The following DUSP12 variants were observed in gnomAD, a reference collection of about 807,000 sequenced individuals.
The protein encoded by DUSP12 is dual specificity phosphatase 12.
DUSP12 carries 25 observed loss-of-function variants against 38.9 expected under a neutral mutation model. That is an observed-to-expected ratio of 0.64 (90% CI 0.47 to 0.90). The LOEUF is 0.90. DUSP12 is among the 40% of genes least tolerant of loss of function. DUSP12 has a pLI of 0.00. For synonymous variants in DUSP12, 153 were observed against 153.9 expected (o/e 0.99, Z 0.05); for missense variants, 403 against 427.0 (o/e 0.94, Z 0.50).
At chr1:161,754,242 G>A (rs1220148256) in intron 5 of DUSP12, among the ~76,000 whole-genome samples, 1 of 152,108 alleles carries the variant, frequency 6.6e-6, no homozygotes. Context: ...TTATATTCAC[G>A]TGTTGTGCAT....
intron 5 of DUSP12, among the ~76,000 whole-genome samples, chr1:161,755,612 T>C (rs899527202): frequency 3.3e-5 from 5 of 152,184 alleles, no homozygotes; most frequent in Admixed American, 2.6e-4. Flanking sequence ...TCTTTATATA[T>C]TTACCAGCCA....
rs1194072322 is a variant in DUSP12 at position 161,750,037 on chromosome 1, T to C, written c.236T>C (p.Phe79Ser). The C allele has an allele frequency of 2.5e-6, 4 of 1,613,992 alleles. No individual in the cohort carries two copies. The highest frequency in any genetic ancestry group is 3.4e-6 in the Non-Finnish European group (4 of 1,179,966). Residue 79 changes from phenylalanine (F) to serine (S), a missense_variant, in exon 1 of 6, where the codon TTC becomes TCC. Phe to Ser is a radical substitution (Grantham distance 155). Transcript: ENST00000367943. ...GGGGTCGAGGATCTATGGCGCCTCT[T>C]CGTGCCAGCGCTGGACAAACCCGAG... ...GPGVEDLWRL[F>S]VPALDKPETD...
intron 5 of DUSP12, among the ~76,000 whole-genome samples, 186 bp from the exon 6 acceptor site, chr1:161,756,600 C>A (rs1488269604): frequency 6.6e-6 from 1 of 150,448 alleles, no homozygotes; most frequent in African/African-American, 2.4e-5. Context: ...CAACATTCTT[C>A]CTATGAGATA....
At chr1:161,752,586 CTG>C (rs1684042454) in intron 4 of DUSP12, 122 bp downstream of exon 4, 1 of 648,354 alleles carries the variant, frequency 1.5e-6, no homozygotes, top group Admixed American at 2.7e-5. Flanking sequence ...TAGTTCAGAT[CTG>C]TTTTCAGAAA....
At position 161,752,962 on chromosome 1, in the gene DUSP12, C is replaced by G; in HGVS notation, c.675-113C>G. The G allele has an allele frequency of 2.7e-6, 3 of 1,119,266 alleles. No individual in the cohort carries two copies. In the South Asian group the frequency reaches 4.9e-5, roughly 18 times the overall value. 69.3% of individuals were successfully genotyped at this position (1,119,266 alleles called of 1,614,324 possible). On this transcript the variant is annotated intron_variant, in intron 4 of 5. Coordinates refer to ENST00000367943, the MANE Select transcript of DUSP12 (RefSeq NM_007240.3). ...CCATGATCACGCCACTGCACTCTAG[C>G]ATGGGCGACAGAGTGAGACTCTGTC...
chr1:161,752,353 A>T lies in DUSP12; in HGVS notation c.578-15A>T. On this transcript the variant is annotated splice_polypyrimidine_tract_variant and intron_variant, in intron 3 of 5. Coordinates refer to ENST00000367943, the MANE Select transcript of DUSP12 (RefSeq NM_007240.3). ...TGATTTTGACAAATAAATACATTTT[A>T]ATTATGTCATATAGAATTGCAGAAT... 6.5e-7 allele frequency: 1 copy of T among 1,547,496 alleles called. No individual in the cohort carries two copies.
chr1:161,755,547 A>T (rs1408492160), intron 5 of DUSP12, among the ~76,000 whole-genome samples: 1 of 152,220 alleles, frequency 6.6e-6, no homozygotes, highest in East Asian at 1.9e-4. Context: ...GGGGTAAAAA[A>T]TGTTAATCCT....
At chr1:161,755,627 C>T (rs1001502933) in intron 5 of DUSP12, among the ~76,000 whole-genome samples, 1 of 152,092 alleles carries the variant, frequency 6.6e-6, no homozygotes, top group Non-Finnish European at 1.5e-5. Context: ...CAGCCATTTA[C>T]TGTTTTCTTT....
rs752438311 is a variant in DUSP12 at position 161,751,925 on chromosome 1, A to G, written c.518A>G (p.Asp173Gly). The change falls in exon 3 of 6, where the codon GAT (aspartate) becomes GGT (glycine). Residue 173 changes from aspartate (D) to glycine (G), a missense_variant. Asp to Gly is a moderately conservative substitution (Grantham distance 94). Coordinates refer to ENST00000367943, the MANE Select transcript of DUSP12 (RefSeq NM_007240.3). ...TACCAGGCAATGGGATACGAAGTGG[A>G]TACCTCTAGTGCAATTTATAAGCAA... The part of the protein sequence containing the change: ...KLYQAMGYEV[D>G]TSSAIYKQYR... The G allele has an allele frequency of 3.1e-6, 5 of 1,613,394 alleles. No individual in the cohort carries two copies. The South Asian group carries it at 5.5e-5, about 18-fold the overall frequency.
chr1:161,750,157 G>A lies in DUSP12; in HGVS notation c.344+12G>A. The A allele has an allele frequency of 6.3e-7, 1 of 1,599,714 alleles. No individual in the cohort carries two copies. The highest frequency in any genetic ancestry group is 8.5e-7 in the Non-Finnish European group (1 of 1,175,138). The stretch of plus-strand genomic sequence containing the variant: ...GTGTTGGTGCACTGGTGAGTGGCCG[G>A]GTCAGTGGGTGACGTGCCCCGCCAA... On this transcript the variant is annotated intron_variant, in intron 1 of 5. Transcript: ENST00000367943.
chr1:161,753,598 G>A (rs61801236), intron 5 of DUSP12, among the ~76,000 whole-genome samples: 5,068 of 152,006 alleles, frequency 0.033, 116 homozygotes, highest in Non-Finnish European at 0.056. Context: ...ATTAGCTCAT[G>A]CCTGTAATCT....
chr1:161,753,355 C>A, intron 5 of DUSP12, 94 bp downstream of exon 5: 1 of 1,020,072 alleles, frequency 9.8e-7, no homozygotes, highest in South Asian at 2.3e-5. Context: ...GTGTTTTGCT[C>A]CATTTCTTAA....
At chr1:161,753,436 A>C in intron 5 of DUSP12, 175 bp downstream of exon 5, 1 of 488,238 alleles carries the variant, frequency 2.0e-6, no homozygotes, top group African/African-American at 2.0e-5. Flanking sequence ...TTTTTCAAAA[A>C]CCAGCTGATC....
intron 5 of DUSP12, among the ~76,000 whole-genome samples, chr1:161,756,345 TTAAA>T (rs1194030987): frequency 4.6e-5 from 7 of 152,074 alleles, no homozygotes; most frequent in African/African-American, 1.7e-4. Flanking sequence ...CAGTTTGTCT[TTAAA>T]TAGCTAAGAA....
intron 5 of DUSP12, 81 bp from the exon 6 acceptor site, chr1:161,756,705 T>G (rs1684115737): frequency 6.7e-7 from 1 of 1,495,450 alleles, no homozygotes; most frequent in South Asian, 1.3e-5. Flanking sequence ...CTTGTTTTTA[T>G]ATCCTATATT....
In DUSP12 at chr1:161,757,022, ATTGT is replaced by A. The variant is rs1283295376; in HGVS notation, c.*80_*83del. On this transcript the variant is annotated 3_prime_UTR_variant, in exon 6 of 6. Transcript: ENST00000367943. ...CTTTGCTTCTTATCATTCATGGCAG[ATTGT>A]TTGTGCTTTCAACATTTCATTTGAA... The A allele has an allele frequency of 1.5e-5, 21 of 1,392,594 alleles. No homozygotes were observed. The highest frequency in any genetic ancestry group is 6.5e-5 in the Admixed American group (3 of 45,882). 86.3% of individuals were successfully genotyped at this position (1,392,594 alleles called of 1,614,324 possible). A position where few individuals can be genotyped will look rare whatever the true frequency, so the allele number is the denominator to read the frequency against.
At chr1:161,750,184 C>T in intron 1 of DUSP12, 39 bp downstream of exon 1, 1 of 1,578,600 alleles carries the variant, frequency 6.3e-7, no homozygotes, top group Middle Eastern at 1.7e-4. Context: ...CCCCGCCAAG[C>T]TTCCAGCCGG....
Position 161,749,835 on chromosome 1 carries a change from G to C in DUSP12, c.34G>C (p.Glu12Gln), listed in dbSNP as rs1423168816. 2 of 1,594,880 alleles carry C rather than the reference G, an allele frequency of 1.3e-6. No homozygotes were observed. The highest frequency in any genetic ancestry group is 3.5e-5 in the Admixed American group (2 of 57,196). Residue 12 changes from glutamate (E) to glutamine (Q), a missense_variant, in exon 1 of 6, where the codon GAG becomes CAG. Transcript: ENST00000367943. ...GGCTCCGGGCCCGAGTGATGGCTGC[G>C]AGCTCAGCAACCCCAGCGCCAGCAG... ...LEAPGPSDGC[E>Q]LSNPSASRVS...
At chr1:161,752,324 G>T (rs1007671791) in intron 3 of DUSP12, 44 bp from the exon 4 acceptor site, 1 of 1,358,016 alleles carries the variant, frequency 7.4e-7, no homozygotes, top group African/African-American at 1.5e-5. Flanking sequence ...TGAAAATGCA[G>T]AGTTGATTTT....
Sources: allele counts gnomAD v4.1 joint callset (sites outside exome capture counted in the v4.1 genomes callset), GRCh38; gene constraint gnomAD v4.1.1; transcripts MANE v1.5; gene names NCBI Gene and HGNC (gene_info 2026-07-23, HGNC 2026-07-21).